IGSF11: variants seen among roughly 807,000 people sequenced by gnomAD.
IGSF11 encodes the protein CXADR like 1.
In IGSF11, 22 loss-of-function variants were observed where a neutral mutation model predicts 41.0. That is an observed-to-expected ratio of 0.54 (90% confidence interval 0.38 to 0.77). The LOEUF (loss-of-function observed/expected upper bound fraction) is 0.77. IGSF11 is among the 30% of genes least tolerant of loss of function. IGSF11 has a pLI of 0.00. For missense variants in IGSF11, 444 were observed against 530.8 expected, an observed-to-expected ratio of 0.84 and a Z score of 1.61; for synonymous variants, 219 against 201.3, an observed-to-expected ratio of 1.09 and a Z score of -0.74.
chr3:119,050,618 C>T (rs1277077514), intron 1 of IGSF11, among the ~76,000 whole-genome samples: 2 of 152,046 alleles, frequency 1.3e-5, no homozygotes, highest in African/African-American at 2.4e-5. Flanking sequence ...ACTAGAAATA[C>T]CATTTGACCC....
At chr3:119,073,739 C>A (rs1486014113) in intron 1 of IGSF11, among the ~76,000 whole-genome samples, 1 of 152,198 alleles carries the variant, frequency 6.6e-6, no homozygotes, top group Non-Finnish European at 1.5e-5. Context: ...CTCGCGCTGG[C>A]CTGTGAGCAC....
intron 1 of IGSF11, among the ~76,000 whole-genome samples, chr3:119,140,429 T>C (rs1230944936): frequency 1.3e-5 from 2 of 152,170 alleles, no homozygotes; most frequent in Non-Finnish European, 1.5e-5. Flanking sequence ...ATAATGATTA[T>C]AAACACATAT....
At position 119,032,904 on chromosome 3, in the gene IGSF11, G is replaced by A. The variant is rs567302424; in HGVS notation, c.52+1627C>T. 5.3e-5 allele frequency among the ~76,000 whole-genome samples: 8 copies of A among 152,328 alleles called. No individual in the cohort carries two copies. In the East Asian group the frequency reaches 1.5e-3, roughly 29 times the overall value. On this transcript the variant is annotated intron_variant, in intron 1 of 6. Transcript: ENST00000393775. ...CCCACCAGATACTCAAAAGCACAGA[G>A]TGATGGCTCTGTAAATATCTGTTGA...
chr3:119,059,208 C>CA (rs201880576), intron 1 of IGSF11, among the ~76,000 whole-genome samples: 45 of 133,200 alleles, frequency 3.4e-4, no homozygotes, highest in African/African-American at 1.4e-3. Flanking sequence ...CACACACACA[C>CA]CACACCATGG....
chr3:118,949,219 A>T (rs1249169097), intron 1 of IGSF11: 1 of 151,832 alleles, frequency 6.6e-6, no homozygotes, highest in Non-Finnish European at 1.5e-5. Context: ...CAAAGAACAA[A>T]GATTTTTACC....
chr3:119,101,990 T>C (rs1287016536), intron 1 of IGSF11, among the ~76,000 whole-genome samples: 1 of 152,240 alleles, frequency 6.6e-6, no homozygotes. Flanking sequence ...TTTTAGCTTC[T>C]AATTATAAAA....
intron 1 of IGSF11, among the ~76,000 whole-genome samples, chr3:118,932,149 G>A (rs183759036): frequency 1.5e-4 from 23 of 152,316 alleles, no homozygotes; most frequent in Admixed American, 1.4e-3. Context: ...CTCATGGGAA[G>A]TCAAAATAAC....
At chr3:119,097,800 G>GT (rs1245969635) in intron 1 of IGSF11, among the ~76,000 whole-genome samples, 2 of 150,970 alleles carry the variant, frequency 1.3e-5, no homozygotes, top group Non-Finnish European at 3.0e-5. Context: ...TATGAGATTG[G>GT]TTTTTTTTGA....
intron 1 of IGSF11, among the ~76,000 whole-genome samples, chr3:119,027,494 A>G (rs1167361781): frequency 6.6e-6 from 1 of 152,222 alleles, no homozygotes; most frequent in Admixed American, 6.5e-5. Context: ...ACATTAAAGA[A>G]GGTCCCAAAA....
chr3:119,112,055 T>C (rs560795055), intron 1 of IGSF11, among the ~76,000 whole-genome samples: 2 of 152,322 alleles, frequency 1.3e-5, no homozygotes, highest in Admixed American at 6.5e-5. Flanking sequence ...TGGGACCCAC[T>C]TGAGGAGGCA....
intron 1 of IGSF11, among the ~76,000 whole-genome samples, chr3:119,139,703 G>T (rs371018775): frequency 6.6e-6 from 1 of 152,026 alleles, no homozygotes; most frequent in East Asian, 1.9e-4. Flanking sequence ...TGTGAAAAAT[G>T]GACTAATATA....
In IGSF11 at chr3:119,115,657, G is replaced by T. The variant is rs1576820300; in HGVS notation, c.-13-10452C>A. On this transcript the variant is annotated intron_variant, in intron 1 of 7. Transcript: ENST00000425327. ...TATATAATCTGGTAACTAATCCCTT[G>T]TTAGATGAATAGTTGCAAATATTTT... Among the ~76,000 whole-genome samples, 13 of 152,190 alleles carry T rather than the reference G, an allele frequency of 8.5e-5. No individual in the cohort carries two copies. The South Asian group carries it at 2.7e-3, about 32-fold the overall frequency.
intron 1 of IGSF11, among the ~76,000 whole-genome samples, chr3:119,114,275 T>C (rs1356944348): frequency 6.6e-6 from 1 of 152,270 alleles, no homozygotes; most frequent in African/African-American, 2.4e-5. Flanking sequence ...TTTTGCCACA[T>C]GGCCAAGCTG....
At chr3:119,030,376 G>A (rs571985415) in intron 1 of IGSF11, among the ~76,000 whole-genome samples, 53 of 152,116 alleles carry the variant, frequency 3.5e-4, no homozygotes, top group African/African-American at 1.1e-3. Flanking sequence ...ATGATGATGC[G>A]GTAGATCATT....
intron 1 of IGSF11, among the ~76,000 whole-genome samples, chr3:119,043,099 G>C (rs527486368): frequency 6.6e-6 from 1 of 152,286 alleles, no homozygotes; most frequent in African/African-American, 2.4e-5. Context: ...CTAGCGTTCA[G>C]CTTGATTTGG....
intron 1 of IGSF11, among the ~76,000 whole-genome samples, chr3:118,960,800 A>G (rs1945289229): frequency 6.6e-6 from 1 of 152,190 alleles, no homozygotes; most frequent in South Asian, 2.1e-4. Flanking sequence ...ACATATTACA[A>G]ATTTACTTTT....
chr3:119,012,958 C>G (rs1386848590), intron 1 of IGSF11: 1 of 152,358 alleles, frequency 6.6e-6, no homozygotes, highest in African/African-American at 2.4e-5. Flanking sequence ...TGGTGCTTGC[C>G]TATCCTTCTG....
chr3:118,976,722 C>T (rs1357725827), intron 1 of IGSF11, among the ~76,000 whole-genome samples: 1 of 152,160 alleles, frequency 6.6e-6, no homozygotes, highest in Non-Finnish European at 1.5e-5. Context: ...ATATAATTTC[C>T]ATGTGGACCA....
intron 1 of IGSF11, among the ~76,000 whole-genome samples, chr3:119,075,064 T>C (rs1231128195): frequency 6.6e-6 from 1 of 151,886 alleles, no homozygotes; most frequent in Non-Finnish European, 1.5e-5. Flanking sequence ...TTCAAAAGAA[T>C]AAGTAAGATA....
Sources: allele counts gnomAD v4.1 joint callset (sites outside exome capture counted in the v4.1 genomes callset), GRCh38; gene constraint gnomAD v4.1.1; transcripts MANE v1.5; gene names NCBI Gene and HGNC (gene_info 2026-07-23, HGNC 2026-07-21).